USP3: variants seen among roughly 807,000 people sequenced by gnomAD.
USP3 encodes ubiquitin carboxyl-terminal hydrolase 3.
A neutral mutation model predicts 72.3 loss-of-function variants in USP3; 20 were observed. The ratio of observed to expected loss-of-function variants is 0.28; its 90% CI spans 0.19 to 0.40. USP3 has a LOEUF of 0.40. Ranked by LOEUF, USP3 falls within the 10% of genes least tolerant of loss-of-function variation. The pLI is 1.00. For missense variants in USP3, 479 were observed against 633.9 expected (o/e 0.76, Z 2.62); for synonymous variants, 222 against 225.3 (o/e 0.99, Z 0.13).
rs1179673764 is a variant in USP3, at chr15:63,591,320, G to GAATC, written c.*496_*499dup. 1 of 152,662 alleles carries GAATC rather than the reference G, an allele frequency of 6.6e-6. No homozygotes were observed. Among genetic ancestry groups the GAATC allele is most frequent in the African/African-American group, 2.4e-5 (1 of 41,442 alleles). 9.5% of individuals were successfully genotyped at this position (152,662 alleles called of 1,614,324 possible). A position where few individuals can be genotyped will look rare whatever the true frequency, so the allele number is the denominator to read the frequency against. On this transcript the variant is annotated 3_prime_UTR_variant, in exon 15 of 15. Transcript: ENST00000380324. ...ACAAAATTTCACAATGACTGCTGAGGAATCATTCTTTTTGCCTGTAAAATA... is the reference window on the plus strand; with the variant it reads ...ACAAAATTTCACAATGACTGCTGAGGAATCAATCATTCTTTTTGCCTGTAAAATA...
At chr15:63,565,365 C>T (rs1255108291) in intron 8 of USP3, among the ~76,000 whole-genome samples, 4 of 152,110 alleles carry the variant, frequency 2.6e-5, no homozygotes, top group Non-Finnish European at 5.9e-5. Flanking sequence ...TTGACCTTTT[C>T]CAACATACAT....
chr15:63,532,653 G>A lies in USP3; in HGVS notation c.98G>A (p.Arg33Gln), dbSNP rs200154553. The A allele has an allele frequency of 1.3e-5, 21 of 1,613,794 alleles. No homozygotes were observed. Among genetic ancestry groups the A allele is most frequent in the South Asian group, 3.3e-5 (3 of 91,086 alleles). Residue 33 changes from arginine (R) to glutamine (Q), a missense_variant, in exon 2 of 15, where the codon CGG (arginine) becomes CAG (glutamine). Physicochemically the swap from Arg to Gln is conservative, Grantham distance 43 (BLOSUM62 1). Transcript: ENST00000380324. ...SPSSWCCSVC[R>Q]SNKSPWVCLT... ...GTATTTTTCTTTTTATTAGTGTGCC[G>A]GTCCAACAAAAGCCCTTGGGTCTGT...
At chr15:63,530,672 A>T (rs1157775066) in intron 1 of USP3, 2 of 398,184 alleles carry the variant, frequency 5.0e-6, no homozygotes, top group African/African-American at 4.3e-5. Context: ...AAATATTCAT[A>T]ATATCTCAGT....
chr15:63,583,945 C>T (rs1323471604), intron 11 of USP3, among the ~76,000 whole-genome samples: 2 of 152,096 alleles, frequency 1.3e-5, no homozygotes, highest in Non-Finnish European at 2.9e-5. Flanking sequence ...GTAGAAGTAT[C>T]TGAGTTCCTG....
intron 3 of USP3, among the ~76,000 whole-genome samples, chr15:63,548,069 C>A (rs2066378745): frequency 7.7e-6 from 1 of 129,360 alleles, no homozygotes; most frequent in African/African-American, 3.0e-5. Flanking sequence ...TGAGATGGGG[C>A]CACTGCAATC....
At chr15:63,584,483 G>GTAAC (rs2067022676) in intron 11 of USP3, among the ~76,000 whole-genome samples, 2 of 152,146 alleles carry the variant, frequency 1.3e-5, no homozygotes, top group Non-Finnish European at 2.9e-5. Context: ...AGCCATCCTA[G>GTAAC]TAACTGTGAA....
At chr15:63,571,428 A>G (rs765272821) in intron 9 of USP3, among the ~76,000 whole-genome samples, 3 of 152,212 alleles carry the variant, frequency 2.0e-5, no homozygotes, top group Non-Finnish European at 4.4e-5. Context: ...GAAAAGGGCA[A>G]CCAATGTGAA....
Position 63,529,768 on chromosome 15 carries a change from TTTC to T in USP3, c.92-2876_92-2874del, listed in dbSNP as rs2066040057. Among the ~76,000 whole-genome samples the T allele has an allele frequency of 6.6e-6, 1 of 152,216 alleles. No individual in the cohort carries two copies. The highest frequency in any genetic ancestry group is 2.4e-5 in the African/African-American group (1 of 41,456). On this transcript the variant is annotated intron_variant, in intron 1 of 14. Transcript: ENST00000380324. The surrounding 1 kb of genome is among the most constrained non-coding windows in gnomAD (Gnocchi z 4.2). The stretch of plus-strand genomic sequence containing the variant: ...AAAGTCACAGGGATTCTGCTCCAGA[TTTC>T]TTTTTCCTCGTACAAAGGAGGGACA...
chr15:63,545,533 A>G lies in USP3; in HGVS notation c.285-8182A>G, dbSNP rs190434939. Among the ~76,000 whole-genome samples, 5 of 151,954 alleles carry G rather than the reference A, an allele frequency of 3.3e-5. No homozygotes were observed. In the East Asian group the frequency reaches 9.7e-4, roughly 29 times the overall value. On this transcript the variant is annotated intron_variant, in intron 3 of 14. Coordinates refer to ENST00000380324, the MANE Select transcript of USP3 (RefSeq NM_006537.4). ...TTCCTTTTTTATATCCTATTTCCTT[A>G]TCTAACATCTCTAATATGTACCCTA... is the stretch of plus-strand genomic sequence containing the variant.
At chr15:63,546,417 C>T (rs1567107557) in intron 3 of USP3, among the ~76,000 whole-genome samples, 1 of 151,864 alleles carries the variant, frequency 6.6e-6, no homozygotes, top group Non-Finnish European at 1.5e-5. Context: ...CTATGAGTTA[C>T]GTACTTTTTT....
chr15:63,551,246 C>G (rs12324650), intron 3 of USP3: 2 of 151,890 alleles, frequency 1.3e-5, no homozygotes, highest in Non-Finnish European at 2.9e-5. Context: ...TAACTTTGCT[C>G]TGCTGCAGCA....
chr15:63,561,056 G>A (rs1193234754), intron 7 of USP3, among the ~76,000 whole-genome samples: 2 of 152,010 alleles, frequency 1.3e-5, no homozygotes, highest in East Asian at 1.9e-4. Flanking sequence ...AGCAGGGCTG[G>A]AATGACGTCA....
At position 63,588,274 on chromosome 15, in the gene USP3, G is replaced by T. The variant is rs760059365; in HGVS notation, c.1097-31G>T. 3.2e-6 allele frequency: 5 copies of T among 1,543,956 alleles called. No individual in the cohort carries two copies. The African/African-American group carries it at 6.9e-5, about 21-fold the overall frequency. On this transcript the variant is annotated intron_variant, in intron 11 of 14. Transcript: ENST00000380324. This position sits in a 1 kb window ranked among gnomAD's most constrained non-coding sequence, Gnocchi z 4.6. ...ACATTGCCTCTACAAAAGGCATCTT[G>T]TTTTAATGCTGCCAAAATCAATTTG... is the stretch of plus-strand genomic sequence containing the variant.
intron 3 of USP3, among the ~76,000 whole-genome samples, chr15:63,537,376 C>CA (rs1353460153): frequency 2.0e-5 from 3 of 152,132 alleles, no homozygotes; most frequent in African/African-American, 7.2e-5. Flanking sequence ...TTTTCTCTCC[C>CA]ACCTCCCGTT....
chr15:63,534,678 C>T (rs1048419560), intron 2 of USP3, among the ~76,000 whole-genome samples: 1 of 151,986 alleles, frequency 6.6e-6, no homozygotes, highest in African/African-American at 2.4e-5. Context: ...TGATATGCAC[C>T]GGAACTATTT....
At position 63,537,105 on chromosome 15, in the gene USP3, A is replaced by G; in HGVS notation, c.233A>G (p.Asp78Gly). The change falls in exon 3 of 15, where the codon GAT becomes GGT. Residue 78 changes from aspartate to glycine, a missense_variant. Coordinates refer to ENST00000380324, the MANE Select transcript of USP3 (RefSeq NM_006537.4). ...LTNHKKSEKQ[D>G]KVQHTVCMDC... is the part of the protein sequence containing the mutation. ...AACCATAAGAAATCAGAAAAGCAAGATAAAGTTCAGCACACAGTATGTATG... is the reference window on the plus strand; with the variant it reads ...AACCATAAGAAATCAGAAAAGCAAGGTAAAGTTCAGCACACAGTATGTATG... 1.9e-6 allele frequency: 3 copies of G among 1,614,162 alleles called. No homozygotes were observed. Among genetic ancestry groups the G allele is most frequent in the Non-Finnish European group, 1.7e-6 (2 of 1,179,996 alleles).
At chr15:63,583,755 C>T (rs1314680998) in intron 11 of USP3, among the ~76,000 whole-genome samples, 2 of 152,164 alleles carry the variant, frequency 1.3e-5, no homozygotes, top group Non-Finnish European at 2.9e-5. Context: ...ATTGGCTTAA[C>T]TTAGTGTATA....
At chr15:63,527,982 C>T (rs528643782) in intron 1 of USP3, 2 of 152,348 alleles carry the variant, frequency 1.3e-5, no homozygotes, top group East Asian at 3.9e-4. Flanking sequence ...CTTCTACCTT[C>T]TGGAGAATGG....
intron 9 of USP3, among the ~76,000 whole-genome samples, chr15:63,572,923 A>G (rs139393879): frequency 6.2e-4 from 94 of 152,294 alleles, no homozygotes; most frequent in African/African-American, 2.1e-3. Context: ...CATCTACAAC[A>G]TGGGGCTAAC....
Sources: gnomAD v4.1 joint callset for allele counts (sites outside exome capture counted in the v4.1 genomes callset) on GRCh38, gnomAD v4.1.1 for gene constraint, Gnocchi (gnomAD v3.1) non-coding constraint, MANE v1.5 for transcripts, NCBI Gene and HGNC (gene_info 2026-07-23, HGNC 2026-07-21) for gene names.